TANGO6: variants seen among roughly 807,000 people sequenced by gnomAD.
TANGO6 encodes the protein transport and golgi organization 6 homolog.
In TANGO6, 90 loss-of-function variants were observed where a neutral mutation model predicts 114.2. The ratio of observed to expected loss-of-function variants is 0.79; its 90% CI spans 0.66 to 0.94. TANGO6 has a LOEUF of 0.94. Ranked by LOEUF, TANGO6 falls within the 40% of genes least tolerant of loss-of-function variation. TANGO6 has a pLI of 0.00. For missense variants in TANGO6, 1,274 were observed against 1,315.3 expected, an observed-to-expected ratio of 0.97 and a Z score of 0.49; for synonymous variants, 477 against 509.8, an observed-to-expected ratio of 0.94 and a Z score of 0.87.
intron 1 of TANGO6, among the ~76,000 whole-genome samples, chr16:68,850,170 C>T (rs1248783697): frequency 1.3e-5 from 2 of 151,986 alleles, no homozygotes; most frequent in East Asian, 1.9e-4. Flanking sequence ...GATGGGGTTT[C>T]ACTATGTTGA....
At chr16:68,998,829 C>T (rs1405384251) in intron 15 of TANGO6, among the ~76,000 whole-genome samples, 6 of 151,860 alleles carry the variant, frequency 4.0e-5, no homozygotes, top group Admixed American at 3.9e-4. Flanking sequence ...AATTATTTGC[C>T]ATAGAAACTC....
At position 68,927,658 on chromosome 16, in the gene TANGO6, C is replaced by A. The variant is rs748330743; in HGVS notation, c.2218C>A (p.Leu740Ile). ...ATACCCTGATCCGGTCATCCAAGAA[C>A]TCGCTGTTGATCTCCGCATCACCAT... ...NTYPDPVIQE[L>I]AVDLRITIST... The change falls in exon 13 of 18, where the codon CTC becomes ATC. Residue 740 changes from leucine to isoleucine, a missense_variant. Around this residue, in one of 5 missense-constraint regions of TANGO6, gnomAD observed 908 missense variants for 910.2 expected, o/e 1.00. Transcript: ENST00000261778. The A allele has an allele frequency of 6.2e-7, 1 of 1,614,004 alleles. No individual in the cohort carries two copies. Among genetic ancestry groups the A allele is most frequent in the Admixed American group, 1.7e-5 (1 of 60,010 alleles).
intron 12 of TANGO6, 22 bp downstream of exon 12, chr16:68,919,241 A>G: frequency 1.2e-6 from 2 of 1,609,124 alleles, no homozygotes; most frequent in Non-Finnish European, 1.7e-6. Context: ...ACATGAGGCA[A>G]GCTTGAATGG....
chr16:68,843,570 C>G lies in TANGO6; in HGVS notation c.-48C>G, dbSNP rs1244692009. On this transcript the variant is annotated 5_prime_UTR_variant, in exon 1 of 18. Transcript: ENST00000261778. ...CACTTAACATGGCGGCGGCGGCGCCCTGCCGAGGCGCCTGAGCGGGTCGCG... is the reference window on the plus strand; with the variant it reads ...CACTTAACATGGCGGCGGCGGCGCCGTGCCGAGGCGCCTGAGCGGGTCGCG... 1 of 1,576,380 alleles carries G rather than the reference C, an allele frequency of 6.3e-7. No homozygotes were observed. The highest frequency in any genetic ancestry group is 8.7e-7 in the Non-Finnish European group (1 of 1,153,184).
intron 15 of TANGO6, among the ~76,000 whole-genome samples, chr16:68,998,502 C>T (rs933899755): frequency 4.6e-5 from 7 of 152,054 alleles, no homozygotes; most frequent in Non-Finnish European, 1.0e-4. Flanking sequence ...GAGGCTGAGG[C>T]GGGCAGATCA....
At chr16:68,951,859 G>T (rs1263723083) in intron 14 of TANGO6, among the ~76,000 whole-genome samples, 1 of 152,026 alleles carries the variant, frequency 6.6e-6, no homozygotes, top group African/African-American at 2.4e-5. Flanking sequence ...TGATCCACCC[G>T]CCTCGGCCTC....
intron 16 of TANGO6, chr16:69,026,468 A>G: frequency 5.4e-6 from 1 of 185,678 alleles, no homozygotes; most frequent in South Asian, 1.3e-4. Flanking sequence ...CTGAGTGTCC[A>G]TTTTCACAAA....
chr16:68,980,683 A>C (rs970706478), intron 15 of TANGO6, among the ~76,000 whole-genome samples: 3 of 151,714 alleles, frequency 2.0e-5, no homozygotes, highest in Non-Finnish European at 4.4e-5. Context: ...GGCTTTATAT[A>C]TTTTTATGTC....
At chr16:68,911,140 A>G (rs1962917393) in intron 11 of TANGO6, among the ~76,000 whole-genome samples, 1 of 151,866 alleles carries the variant, frequency 6.6e-6, no homozygotes, top group Non-Finnish European at 1.5e-5. Flanking sequence ...ATTTTAAGAG[A>G]CAGAGTCTCA....
At chr16:69,044,340 GA>G (rs1371738035) in intron 17 of TANGO6, among the ~76,000 whole-genome samples, 1 of 152,062 alleles carries the variant, frequency 6.6e-6, no homozygotes, top group Admixed American at 6.6e-5. Context: ...CTTTGTTATT[GA>G]AAAACTTATT....
intron 15 of TANGO6, among the ~76,000 whole-genome samples, chr16:68,991,090 A>G (rs556104097): frequency 6.6e-6 from 1 of 152,308 alleles, no homozygotes; most frequent in South Asian, 2.1e-4. Flanking sequence ...TATGGTGAGA[A>G]TGAAGAACTG....
At chr16:68,983,314 A>AT (rs761241662) in intron 15 of TANGO6, among the ~76,000 whole-genome samples, 3 of 152,144 alleles carry the variant, frequency 2.0e-5, no homozygotes, top group Non-Finnish European at 2.9e-5. Flanking sequence ...AGTCATATAA[A>AT]TTCCTGGGTT....
At chr16:68,947,239 C>T (rs1045659242) in intron 14 of TANGO6, among the ~76,000 whole-genome samples, 10 of 152,048 alleles carry the variant, frequency 6.6e-5, no homozygotes, top group Non-Finnish European at 1.5e-4. Context: ...AGGCGGATCA[C>T]GAGGTCAGGA....
chr16:68,866,782 C>G (rs564616844), intron 3 of TANGO6, among the ~76,000 whole-genome samples: 12 of 152,040 alleles, frequency 7.9e-5, no homozygotes, highest in African/African-American at 2.9e-4. Flanking sequence ...ACTAAAAATA[C>G]AAAAAGTACC....
At chr16:68,901,756 G>A (rs1329722588) in intron 8 of TANGO6, among the ~76,000 whole-genome samples, 2 of 152,096 alleles carry the variant, frequency 1.3e-5, no homozygotes, top group African/African-American at 4.8e-5. Context: ...ACAAAATGCT[G>A]GGATTACAGG....
intron 15 of TANGO6, among the ~76,000 whole-genome samples, chr16:68,974,867 T>A (rs138912251): frequency 1.5e-3 from 222 of 151,956 alleles, no homozygotes; most frequent in African/African-American, 4.8e-3. Flanking sequence ...GGAGTTCAAG[T>A]CCAGCCTGGG....
intron 12 of TANGO6, among the ~76,000 whole-genome samples, chr16:68,921,775 T>C (rs1351390037): frequency 6.6e-6 from 1 of 152,146 alleles, no homozygotes; most frequent in Non-Finnish European, 1.5e-5. Flanking sequence ...CTCACCTGAC[T>C]GATATCAAGG....
In TANGO6 at chr16:68,860,162, A is replaced by G; in HGVS notation, c.373A>G (p.Thr125Ala). ...NFNPGKPNPRTPEVAPALSPD... is the reference protein window; with the variant it reads ...NFNPGKPNPRAPEVAPALSPD... ...CAATCCAGGTAAACCCAACCCTAGG[A>G]CTCCGGAAGTTGCTCCTGCCCTGAG... The change falls in exon 2 of 18, where the codon ACT becomes GCT. Residue 125 changes from threonine to alanine, a missense_variant. Thr to Ala is a moderately conservative substitution (Grantham distance 58). Transcript: ENST00000261778. The G allele has an allele frequency of 6.2e-7, 1 of 1,613,812 alleles. No individual in the cohort carries two copies. The highest frequency in any genetic ancestry group is 8.5e-7 in the Non-Finnish European group (1 of 1,179,868).
chr16:69,070,201 CCTT>C (rs1221659519), intron 17 of TANGO6, among the ~76,000 whole-genome samples: 5 of 151,484 alleles, frequency 3.3e-5, no homozygotes, highest in Admixed American at 6.6e-5. Flanking sequence ...GAGCGAGACT[CCTT>C]CTCAAAAAAA....
Sources: gnomAD v4.1 joint callset for allele counts (sites outside exome capture counted in the v4.1 genomes callset) on GRCh38, gnomAD v4.1.1 for gene constraint, gnomAD v4.1.1 regional missense constraint, MANE v1.5 for transcripts, NCBI Gene and HGNC (gene_info 2026-07-23, HGNC 2026-07-21) for gene names.